The following ALK variants were observed in gnomAD, a reference collection of about 807,000 sequenced individuals.
The protein encoded by ALK is ALK tyrosine kinase receptor.
A neutral mutation model predicts 163.1 loss-of-function variants in ALK; 74 were observed. That is an observed-to-expected ratio of 0.45 (90% CI 0.38 to 0.55). The LOEUF is 0.55. Among genes scored for constraint, ALK ranks in the 20% least tolerant of loss-of-function variants. The pLI is 0.00. For synonymous variants in ALK, 960 were observed against 843.2 expected (o/e 1.14, Z -2.40); for missense variants, 2,063 against 2,105.3 (o/e 0.98, Z 0.39).
At chr2:29,842,266 T>C (rs1665720256) in intron 1 of ALK, among the ~76,000 whole-genome samples, 1 of 152,156 alleles carries the variant, frequency 6.6e-6, no homozygotes, top group Admixed American at 6.5e-5. Context: ...TCTGGCTAGA[T>C]TCTCATGGTT....
intron 1 of ALK, among the ~76,000 whole-genome samples, chr2:29,768,460 T>G (rs1680923377): frequency 6.6e-6 from 1 of 152,126 alleles, no homozygotes; most frequent in South Asian, 2.1e-4. Flanking sequence ...AAAAATCTAA[T>G]ACTAATTTCC....
At chr2:29,483,364 C>T (rs980304288) in intron 4 of ALK, among the ~76,000 whole-genome samples, 29 of 152,194 alleles carry the variant, frequency 1.9e-4, no homozygotes, top group African/African-American at 7.0e-4. Flanking sequence ...TTAAAGCCCT[C>T]CCAGCTAATT....
At chr2:29,455,429 T>C (rs990657749) in intron 4 of ALK, among the ~76,000 whole-genome samples, 1 of 152,158 alleles carries the variant, frequency 6.6e-6, no homozygotes, top group African/African-American at 2.4e-5. Flanking sequence ...CTGTCCTGTG[T>C]GCGGGGGACA....
chr2:29,392,384 C>T (rs2148308380), intron 4 of ALK, among the ~76,000 whole-genome samples: 1 of 152,294 alleles, frequency 6.6e-6, no homozygotes, highest in East Asian at 1.9e-4. Context: ...AGATGTATGC[C>T]AAATGCAAGT....
chr2:29,367,775 G>T (rs1388569077), intron 5 of ALK, among the ~76,000 whole-genome samples: 3 of 152,142 alleles, frequency 2.0e-5, no homozygotes, highest in Admixed American at 6.5e-5. Flanking sequence ...TATTATATTG[G>T]CAGGGGAGAA....
At chr2:29,738,191 C>T (rs1022143037) in intron 1 of ALK, among the ~76,000 whole-genome samples, 1 of 151,954 alleles carries the variant, frequency 6.6e-6, no homozygotes, top group African/African-American at 2.4e-5. Flanking sequence ...TGAACTGTAA[C>T]TAGGTGCTGC....
At chr2:29,494,622 C>T (rs1355016696) in intron 4 of ALK, among the ~76,000 whole-genome samples, 7 of 152,150 alleles carry the variant, frequency 4.6e-5, no homozygotes, top group Admixed American at 1.3e-4. Flanking sequence ...TGAGGTAACC[C>T]AGCCTGGAAC....
chr2:29,734,913 T>C (rs1211041938), intron 1 of ALK, among the ~76,000 whole-genome samples: 3 of 152,186 alleles, frequency 2.0e-5, no homozygotes, highest in Non-Finnish European at 4.4e-5. Flanking sequence ...TAGATAATCT[T>C]ATACATTCCT....
intron 1 of ALK, among the ~76,000 whole-genome samples, chr2:29,761,475 G>A (rs1368002281): frequency 6.6e-6 from 1 of 152,206 alleles, no homozygotes; most frequent in Non-Finnish European, 1.5e-5. Context: ...CTTGAGGGCA[G>A]CATGACCTCG....
At chr2:29,356,039 C>T (rs979926456) in intron 5 of ALK, among the ~76,000 whole-genome samples, 2 of 152,100 alleles carry the variant, frequency 1.3e-5, no homozygotes, top group Non-Finnish European at 2.9e-5. Flanking sequence ...ATCAAGGCTC[C>T]CTCCTGAAGA....
At chr2:29,301,847 G>T (rs1394403118) in intron 8 of ALK, among the ~76,000 whole-genome samples, 1 of 152,134 alleles carries the variant, frequency 6.6e-6, no homozygotes, top group Non-Finnish European at 1.5e-5. Flanking sequence ...ACCCAGGGAT[G>T]GTGTGAAGGC....
intron 1 of ALK, among the ~76,000 whole-genome samples, chr2:29,903,823 A>G (rs1433685052): frequency 6.6e-6 from 1 of 152,208 alleles, no homozygotes; most frequent in Non-Finnish European, 1.5e-5. Context: ...ATTTCTTATT[A>G]CTGCTTTATG....
chr2:29,702,109 T>C (rs1678759909), intron 2 of ALK, among the ~76,000 whole-genome samples: 1 of 151,996 alleles, frequency 6.6e-6, no homozygotes, highest in South Asian at 2.1e-4. Flanking sequence ...ATGCCAACCT[T>C]ACTGTGGTGC....
intron 5 of ALK, among the ~76,000 whole-genome samples, chr2:29,341,396 T>A (rs1667787260): frequency 6.6e-6 from 1 of 152,138 alleles, no homozygotes; most frequent in Non-Finnish European, 1.5e-5. Flanking sequence ...GGAGCCACCA[T>A]ACATGGAGGA....
intron 4 of ALK, among the ~76,000 whole-genome samples, chr2:29,515,572 G>C (rs367850106): frequency 6.6e-6 from 1 of 152,066 alleles, no homozygotes; most frequent in Non-Finnish European, 1.5e-5. Flanking sequence ...TAGGGGTGGG[G>C]ATAGGGGGAG....
intron 1 of ALK, among the ~76,000 whole-genome samples, chr2:29,744,730 G>T (rs553956748): frequency 1.3e-5 from 2 of 152,154 alleles, no homozygotes; most frequent in South Asian, 4.1e-4. Flanking sequence ...TCTCACCTGG[G>T]GCTTTAGCCG....
At chr2:29,275,373 A>C in intron 10 of ALK, 29 bp downstream of exon 10, 2 of 1,612,696 alleles carry the variant, frequency 1.2e-6, no homozygotes, top group Non-Finnish European at 8.5e-7. Flanking sequence ...GGGTTGGGGG[A>C]CAGAGTGCTG....
intron 3 of ALK, among the ~76,000 whole-genome samples, chr2:29,651,969 G>T (rs1197491319): frequency 6.6e-6 from 1 of 152,066 alleles, no homozygotes; most frequent in African/African-American, 2.4e-5. Flanking sequence ...GATGCTATGG[G>T]CATCAATCAA....
At chr2:29,413,197 G>A (rs1274417168) in intron 4 of ALK, among the ~76,000 whole-genome samples, 2 of 152,168 alleles carry the variant, frequency 1.3e-5, no homozygotes, top group Non-Finnish European at 2.9e-5. Context: ...AAGAGAAAAC[G>A]ACACCATCAA....
Sources: allele counts gnomAD v4.1 joint callset (sites outside exome capture counted in the v4.1 genomes callset), GRCh38; gene constraint gnomAD v4.1.1; transcripts MANE v1.5; gene names NCBI Gene and HGNC (gene_info 2026-07-23, HGNC 2026-07-21).